ZC3H14: variants seen among roughly 807,000 people sequenced by gnomAD.
ZC3H14 encodes zinc finger CCCH domain-containing protein 14.
In ZC3H14, 31 loss-of-function variants were observed where a neutral mutation model predicts 92.4. That is an observed-to-expected ratio of 0.34 (90% CI 0.25 to 0.45). The LOEUF is 0.45. ZC3H14 is among the 20% of genes least tolerant of loss of function. The probability of loss-of-function intolerance (pLI) is 1.00; values close to 1 mark genes in which losing one functional copy is unlikely to be tolerated. For missense variants in ZC3H14, 781 were observed against 897.3 expected (o/e 0.87, Z 1.66); for synonymous variants, 321 against 300.9 (o/e 1.07, Z -0.69).
chr14:88,606,581 G>A (rs1026432815), intron 12 of ZC3H14, among the ~76,000 whole-genome samples: 5 of 151,872 alleles, frequency 3.3e-5, no homozygotes, highest in Non-Finnish European at 5.9e-5. Flanking sequence ...ACCAGCCTGG[G>A]CAACGTGGGG....
intron 9 of ZC3H14, among the ~76,000 whole-genome samples, chr14:88,587,604 A>G (rs2082614386): frequency 6.6e-6 from 1 of 152,156 alleles, no homozygotes; most frequent in East Asian, 1.9e-4. Flanking sequence ...GTTAAGACTT[A>G]GTCGATTGAC....
Position 88,626,561 on chromosome 14 carries a change from G to T in ZC3H14, c.*14810G>T, listed in dbSNP as rs2089970718. On this transcript the variant is annotated 3_prime_UTR_variant, in exon 17 of 17. Transcript: ENST00000251038. ...GAACCTGGGAGATGGAGGCTACAGT[G>T]AGCTATAATCGCACCATTGCACCCC... is the stretch of plus-strand genomic sequence containing the variant. The T allele has an allele frequency of 2.7e-6, 1 of 374,188 alleles. No homozygotes were observed. Among genetic ancestry groups the T allele is most frequent in the Non-Finnish European group, 4.9e-6 (1 of 202,544 alleles). 23.2% of individuals were successfully genotyped at this position (374,188 alleles called of 1,614,324 possible).
intron 2 of ZC3H14, among the ~76,000 whole-genome samples, chr14:88,565,070 C>T (rs1370883940): frequency 6.6e-6 from 1 of 152,126 alleles, no homozygotes; most frequent in Non-Finnish European, 1.5e-5. Context: ...GAGCCTGCCT[C>T]CATGAATTTC....
Position 88,620,824 on chromosome 14 carries a change from T to TG in ZC3H14, c.*9074dup, listed in dbSNP as rs1028001743. On this transcript the variant is annotated 3_prime_UTR_variant, in exon 17 of 17. Coordinates refer to ENST00000251038, the MANE Select transcript of ZC3H14 (RefSeq NM_024824.5). The surrounding 1 kb of genome is among the most constrained non-coding windows in gnomAD (Gnocchi z 4.3). ...ATTTTTAGAGAACTCACTAGTAAAA[T>TG]GATAAATTCTCCATTTTTCATTCCA... 1 of 1,607,164 alleles carries TG rather than the reference T, an allele frequency of 6.2e-7. No homozygotes were observed. The highest frequency in any genetic ancestry group is 1.3e-5 in the African/African-American group (1 of 74,686).
intron 13 of ZC3H14, among the ~76,000 whole-genome samples, chr14:88,607,934 TC>T (rs1324369258): frequency 2.3e-5 from 1 of 42,760 alleles, no homozygotes; most frequent in Non-Finnish European, 4.0e-5. Flanking sequence ...GCAAGTACCA[TC>T]CCCCATCTCA....
At chr14:88,597,474 G>T (rs189128182) in intron 10 of ZC3H14, among the ~76,000 whole-genome samples, 8 of 152,240 alleles carry the variant, frequency 5.3e-5, no homozygotes, top group Non-Finnish European at 7.4e-5. Context: ...TCTGTCTTTT[G>T]TGGGAAGCTC....
intron 3 of ZC3H14, among the ~76,000 whole-genome samples, chr14:88,568,975 G>A (rs1035368468): frequency 6.6e-6 from 1 of 151,830 alleles, no homozygotes; most frequent in African/African-American, 2.4e-5. Context: ...TCGATCTCCT[G>A]GTTTCAAGTG....
At position 88,622,307 on chromosome 14, in the gene ZC3H14, AAT is replaced by A. The variant is rs2089144707; in HGVS notation, c.*10559_*10560del. 3.8e-6 allele frequency: 1 copy of A among 261,480 alleles called. No homozygotes were observed. Among genetic ancestry groups the A allele is most frequent in the African/African-American group, 2.2e-5 (1 of 45,264 alleles). The allele number at this position is 261,480 out of a possible 1,614,324, so 16.2% of individuals were successfully genotyped here. ...TTTAAAAAATGGAGACAGCTGTCCT[AAT>A]ATGAGTCAACTGCCAAGGGCTTTCA... On this transcript the variant is annotated 3_prime_UTR_variant, in exon 17 of 17. Coordinates refer to ENST00000251038, the MANE Select transcript of ZC3H14 (RefSeq NM_024824.5).
In ZC3H14 at chr14:88,612,197, TCCA is replaced by T. The variant is rs2086890418; in HGVS notation, c.*450_*452del. The T allele has an allele frequency of 6.2e-6, 1 of 162,282 alleles. No homozygotes were observed. 10.1% of individuals were successfully genotyped at this position (162,282 alleles called of 1,614,324 possible). On this transcript the variant is annotated 3_prime_UTR_variant, in exon 17 of 17. Coordinates refer to ENST00000251038, the MANE Select transcript of ZC3H14 (RefSeq NM_024824.5). ...CCCAAAGATTATATAATGTTCATAA[TCCA>T]CCATGAAAACAGCATTGGCCAAAGG...
chr14:88,594,565 A>G, intron 9 of ZC3H14: 1 of 1,472,296 alleles, frequency 6.8e-7, no homozygotes, highest in Non-Finnish European at 8.9e-7. Flanking sequence ...CTTTTGAATT[A>G]CAGGTTTTAA....
At chr14:88,591,827 A>G (rs2083176470) in intron 9 of ZC3H14, 1 of 152,196 alleles carries the variant, frequency 6.6e-6, no homozygotes, top group Non-Finnish European at 1.5e-5. Context: ...TCTCTGTGAC[A>G]TTTTTGTTCC....
Position 88,607,346 on chromosome 14 carries a change from C to T in ZC3H14, c.1851C>T (p.His617=), listed in dbSNP as rs749803644. The T allele has an allele frequency of 1.1e-5, 18 of 1,610,100 alleles. No individual in the cohort carries two copies. The African/African-American group carries it at 1.2e-4, about 11-fold the overall frequency. ...CKNGDECAYH[H]PISPCKAFPN... ...ATGGGGATGAGTGTGCCTACCATCA[C>T]CCCATCTCACCCTGCAAGTGAGTAC... The change falls in exon 13 of 17, where the codon CAC becomes CAT. Residue 617 remains histidine (H), a synonymous_variant. Coordinates refer to ENST00000251038, the MANE Select transcript of ZC3H14 (RefSeq NM_024824.5).
intron 15 of ZC3H14, 125 bp downstream of exon 15, chr14:88,609,928 T>C: frequency 9.6e-7 from 1 of 1,040,564 alleles, no homozygotes; most frequent in Non-Finnish European, 1.4e-6. Flanking sequence ...GTAAAACTAT[T>C]AAGTTGTTCC....
intron 9 of ZC3H14, chr14:88,592,492 T>A (rs917982495): frequency 2.6e-4 from 1 of 3,830 alleles, no homozygotes; most frequent in Non-Finnish European, 1.1e-3. Flanking sequence ...TAAGGATTCC[T>A]TTTTTTTTTT....
At chr14:88,576,283 G>A (rs891699119) in intron 8 of ZC3H14, among the ~76,000 whole-genome samples, 1 of 152,196 alleles carries the variant, frequency 6.6e-6, no homozygotes, top group African/African-American at 2.4e-5. Flanking sequence ...AATTTACGAT[G>A]TGTAAAGGGG....
chr14:88,607,555 A>G (rs1449468498), intron 13 of ZC3H14, among the ~76,000 whole-genome samples, 192 bp downstream of exon 13: 1 of 136,436 alleles, frequency 7.3e-6, no homozygotes, highest in Non-Finnish European at 1.6e-5. Flanking sequence ...TCACCCTGCA[A>G]GTACCATCCC....
chr14:88,616,496 G>A lies in ZC3H14; in HGVS notation c.*4745G>A, dbSNP rs2087640607. 1 of 605,378 alleles carries A rather than the reference G, an allele frequency of 1.7e-6. No homozygotes were observed. 37.5% of individuals were successfully genotyped at this position (605,378 alleles called of 1,614,324 possible). A position where few individuals can be genotyped will look rare whatever the true frequency, so the allele number is the denominator to read the frequency against. On this transcript the variant is annotated 3_prime_UTR_variant, in exon 17 of 17. Transcript: ENST00000251038. ...TTTGAAATTTGATAACTGATTATAG[G>A]TTTGGTGAAAAGCTAATTACAGCTT...
rs1427889294 is a variant in ZC3H14, at chr14:88,622,888, A to G, written c.*11137A>G. The G allele has an allele frequency of 2.1e-6, 1 of 468,360 alleles. No individual in the cohort carries two copies. The highest frequency in any genetic ancestry group is 4.1e-5 in the Admixed American group (1 of 24,504). The allele number at this position is 468,360 out of a possible 1,614,324, so 29.0% of individuals were successfully genotyped here. A position where few individuals can be genotyped will look rare whatever the true frequency, so the allele number is the denominator to read the frequency against. Reference sequence around the variant, plus strand: ...TTCTATGGCAATTTGAGGATATACTATATCTCAGTCAAAATAAACATCCAG... The same window carrying G: ...TTCTATGGCAATTTGAGGATATACTGTATCTCAGTCAAAATAAACATCCAG... On this transcript the variant is annotated 3_prime_UTR_variant, in exon 17 of 17. Transcript: ENST00000251038.
intron 10 of ZC3H14, among the ~76,000 whole-genome samples, chr14:88,597,154 CTGTT>C (rs1027480159): frequency 1.3e-5 from 2 of 152,088 alleles, no homozygotes. Context: ...CTTTTGTATC[CTGTT>C]TTTCACCTGG....
Sources: allele counts gnomAD v4.1 joint callset (sites outside exome capture counted in the v4.1 genomes callset), GRCh38; gene constraint gnomAD v4.1.1; non-coding constraint Gnocchi (gnomAD v3.1); transcripts MANE v1.5; gene names NCBI Gene and HGNC (gene_info 2026-07-23, HGNC 2026-07-21).